The following UBR4 variants were observed in gnomAD, a reference collection of about 807,000 sequenced individuals.
UBR4 encodes E3 ubiquitin-protein ligase UBR4.
Under a neutral mutation model 575.6 loss-of-function variants are expected in UBR4, and 124 were observed. That is an observed-to-expected ratio of 0.22 (90% CI 0.19 to 0.25). The LOEUF is 0.25. Ranked by LOEUF, UBR4 falls within the 10% of genes least tolerant of loss-of-function variation. UBR4 has a pLI of 1.00. For synonymous variants in UBR4, 2,455 were observed against 2,473.7 expected (o/e 0.99, Z 0.22); for missense variants, 4,818 against 6,478.8 (o/e 0.74, Z 8.80).
Position 19,110,396 on chromosome 1 carries a change from C to T in UBR4, c.11961G>A (p.Glu3987=), listed in dbSNP as rs1210635883. 1.2e-5 allele frequency: 19 copies of T among 1,614,092 alleles called. No individual in the cohort carries two copies. Among genetic ancestry groups the T allele is most frequent in the Non-Finnish European group, 1.6e-5 (19 of 1,180,038 alleles). ...DSISKEDSCW[E]LRLRCALSLF... The stretch of plus-strand genomic sequence containing the variant: ...CTAACTCACCACAGCGTAACCGGAG[C>T]TCCCAGCAGCTGTCCTCCTTGGAGA... Residue 3987 remains glutamate, a synonymous_variant, in exon 80 of 106, where the codon GAG becomes GAA. Coordinates refer to ENST00000375254, the MANE Select transcript of UBR4 (RefSeq NM_020765.3). This position sits in a 1 kb window ranked among gnomAD's most constrained non-coding sequence, Gnocchi z 4.5.
In UBR4 at chr1:19,160,936, C is replaced by T. The variant is rs756449276; in HGVS notation, c.5387G>A (p.Arg1796Gln). ...SSLCRTVEGC[R>Q]EELQNQANFS... ...CCCCACCTGGTTCTGTAATTCCTCCCGGCAGCCCTCTACTGTGCGGCAGAG... is the reference window on the plus strand; with the variant it reads ...CCCCACCTGGTTCTGTAATTCCTCCTGGCAGCCCTCTACTGTGCGGCAGAG... The change falls in exon 38 of 106, where the codon CGG (arginine) becomes CAG (glutamine). Residue 1796 changes from arginine (R) to glutamine (Q), a missense_variant. Arg to Gln is a conservative substitution (Grantham distance 43). This residue lies in a region of UBR4 where 159 missense variants were observed against 174.6 expected (regional missense o/e 0.91). Coordinates refer to ENST00000375254, the MANE Select transcript of UBR4 (RefSeq NM_020765.3). 2.6e-5 allele frequency: 42 copies of T among 1,613,992 alleles called. No homozygotes were observed. Among genetic ancestry groups the T allele is most frequent in the South Asian group, 5.5e-5 (5 of 91,072 alleles).
chr1:19,196,469 A>T (rs550288632), intron 8 of UBR4, among the ~76,000 whole-genome samples: 3 of 152,332 alleles, frequency 2.0e-5, no homozygotes, highest in Admixed American at 2.0e-4. Context: ...CATACCAGAG[A>T]TATGATATGT....
intron 23 of UBR4, 21 bp from the exon 24 acceptor site, chr1:19,173,327 A>T (rs924953078): frequency 1.2e-6 from 2 of 1,613,684 alleles, no homozygotes; most frequent in African/African-American, 2.7e-5. Flanking sequence ...AGCAAGAAAA[A>T]GTGTTTAGGA....
intron 53 of UBR4, among the ~76,000 whole-genome samples, chr1:19,145,508 G>C (rs71512946): frequency 1.5e-4 from 22 of 145,110 alleles, no homozygotes; most frequent in East Asian, 6.3e-4. Context: ...AAACCACTGA[G>C]ACACACACAC....
In UBR4 at chr1:19,106,626, C is replaced by T. The variant is rs1446457601; in HGVS notation, c.12336G>A (p.Arg4112=). 1.2e-6 allele frequency: 2 copies of T among 1,605,056 alleles called. No individual in the cohort carries two copies. The highest frequency in any genetic ancestry group is 1.3e-5 in the African/African-American group (1 of 74,468). The change falls in exon 83 of 106, where the codon CGG becomes CGA. Residue 4112 remains arginine (R), a synonymous_variant. Coordinates refer to ENST00000375254, the MANE Select transcript of UBR4 (RefSeq NM_020765.3). ...VWRWKQFLSR[R]GKRTSPLDLK... ...GATCCAAGGGGGAGGTCCTCTTCCC[C>T]CGACGACTCAGGAACTGTTTCCACC...
Position 19,155,611 on chromosome 1 carries a change from A to C in UBR4, c.6130T>G (p.Ser2044Ala), listed in dbSNP as rs776250382. 2 of 1,614,136 alleles carry C rather than the reference A, an allele frequency of 1.2e-6. No individual in the cohort carries two copies. The highest frequency in any genetic ancestry group is 2.2e-5 in the South Asian group (2 of 91,080). Residue 2044 changes from serine to alanine, a missense_variant, in exon 43 of 106, where the codon TCA becomes GCA. Transcript: ENST00000375254. ...SPTFYFLLPS[S>A]KIRDVTFLFN... ...AGGAAGGTAACATCTCTTATCTTTG[A>C]GCTTGGCAGGAGAAAATAGAAGGTT...
In UBR4 at chr1:19,105,137, G is replaced by A. The variant is rs1199740303; in HGVS notation, c.12556C>T (p.Leu4186Phe). 1.2e-6 allele frequency: 2 copies of A among 1,614,094 alleles called. No homozygotes were observed. The highest frequency in any genetic ancestry group is 2.2e-5 in the East Asian group (1 of 44,872). Residue 4186 changes from leucine (L) to phenylalanine (F), a missense_variant, in exon 85 of 106, where the codon CTC becomes TTC. Around this residue, in one of 29 missense-constraint regions of UBR4, gnomAD observed 178 missense variants for 175.5 expected, o/e 1.01. Transcript: ENST00000375254. Reference protein sequence around the residue: ...AGECAAEYLALYQKLITSAHW... With the variant: ...AGECAAEYLAFYQKLITSAHW... ...GCAGAAGTGATGAGCTTCTGGTAGA[G>A]AGCCAGGTACTCAGCTGCACACTCC...
Position 19,081,368 on chromosome 1 carries a change from C to T in UBR4, c.15214G>A (p.Ala5072Thr), listed in dbSNP as rs1345983659. 1.2e-6 allele frequency: 2 copies of T among 1,604,866 alleles called. No individual in the cohort carries two copies. Among genetic ancestry groups the T allele is most frequent in the Non-Finnish European group, 8.5e-7 (1 of 1,175,534 alleles). Residue 5072 changes from alanine (A) to threonine (T), a missense_variant, in exon 103 of 106, where the codon GCT becomes ACT. Around this residue, in one of 29 missense-constraint regions of UBR4, gnomAD observed 212 missense variants for 221.3 expected, o/e 0.96. Transcript: ENST00000375254. ...ACTGACCTGGTGGCTCCACCTGGAG[C>T]CACTGCCCGAGCCTGCGAGGTCACC... ...LLVTSQARAV[A>T]PGGATRLTDK...
chr1:19,158,032 A>T (rs1239151092), intron 39 of UBR4, 35 bp from the exon 40 acceptor site: 1 of 1,590,592 alleles, frequency 6.3e-7, no homozygotes, highest in South Asian at 1.1e-5. Flanking sequence ...GTGGGCAGTA[A>T]TGAGGCAAAT....
chr1:19,113,750 C>G lies in UBR4; in HGVS notation c.11406G>C (p.Glu3802Asp). The G allele has an allele frequency of 6.2e-7, 1 of 1,614,218 alleles. No individual in the cohort carries two copies. Among genetic ancestry groups the G allele is most frequent in the Admixed American group, 1.7e-5 (1 of 60,030 alleles). The change falls in exon 77 of 106, where the codon GAG becomes GAC. Residue 3802 changes from glutamate (E) to aspartate (D), a missense_variant. Physicochemically the swap from Glu to Asp is conservative, Grantham distance 45 (BLOSUM62 2). This residue lies in a region of UBR4 where 333 missense variants were observed against 459.2 expected (regional missense o/e 0.73). Transcript: ENST00000375254. ...VNRYILQLAQ[E>D]YCGDCKNSFD... ...AAGAGTTCTTGCAGTCTCCACAATACTCCTGAGCCAACTGCAGGATGTAAC... is the reference window on the plus strand; with the variant it reads ...AAGAGTTCTTGCAGTCTCCACAATAGTCCTGAGCCAACTGCAGGATGTAAC...
chr1:19,159,681 C>T (rs956396572), intron 39 of UBR4, among the ~76,000 whole-genome samples: 1 of 151,514 alleles, frequency 6.6e-6, no homozygotes, highest in African/African-American at 2.4e-5. Context: ...CAGCTCACTG[C>T]AACCTCCTGG....
chr1:19,088,824 G>A lies in UBR4; in HGVS notation c.14365C>T (p.Arg4789Trp). 3.7e-6 allele frequency: 6 copies of A among 1,614,002 alleles called. No homozygotes were observed. Among genetic ancestry groups the A allele is most frequent in the East Asian group, 2.2e-5 (1 of 44,864 alleles). ...ATGGCCATGCGCTTCTTCTCTGCCC[G>A]GGTCTCCCTGCGGGCTGCGTCAATC... ...KKIDAARRET[R>W]AEKKRMAMAM... Residue 4789 changes from arginine to tryptophan, a missense_variant, in exon 98 of 106, where the codon CGG becomes TGG. Arg to Trp is a moderately radical substitution (Grantham distance 101). Coordinates refer to ENST00000375254, the MANE Select transcript of UBR4 (RefSeq NM_020765.3). This position sits in a 1 kb window ranked among gnomAD's most constrained non-coding sequence, Gnocchi z 4.0.
At chr1:19,122,081 T>A in intron 66 of UBR4, 69 bp from the exon 67 acceptor site, 1 of 1,507,708 alleles carries the variant, frequency 6.6e-7, no homozygotes, top group Non-Finnish European at 9.2e-7. Flanking sequence ...CCACACCTGC[T>A]GCCTGGAGCC....
chr1:19,209,042 C>T (rs1025425421), intron 1 of UBR4, among the ~76,000 whole-genome samples: 2 of 152,208 alleles, frequency 1.3e-5, no homozygotes, highest in African/African-American at 4.8e-5. Flanking sequence ...TTGTTAAAAA[C>T]TCTGCATCCA....
At position 19,157,734 on chromosome 1, in the gene UBR4, C is replaced by T. The variant is rs967337476; in HGVS notation, c.5760+81G>A. ...GACTTTTTCCCACAGAGGGCTAATC[C>T]GAATGTGGTCATCAATTTGTTTTGC... On this transcript the variant is annotated intron_variant, in intron 40 of 105. Transcript: ENST00000375254. The surrounding 1 kb of genome is among the most constrained non-coding windows in gnomAD (Gnocchi z 4.4). 27 of 1,533,662 alleles carry T rather than the reference C, an allele frequency of 1.8e-5. No homozygotes were observed. In the Admixed American group the frequency reaches 2.2e-4, roughly 13 times the overall value.
chr1:19,116,149 A>G (rs2080503145), intron 73 of UBR4, among the ~76,000 whole-genome samples: 1 of 152,218 alleles, frequency 6.6e-6, no homozygotes, highest in Non-Finnish European at 1.5e-5. Context: ...CTGAGTACTT[A>G]CTATGTACTA....
At chr1:19,179,788 C>A (rs1286079458) in intron 17 of UBR4, among the ~76,000 whole-genome samples, 4 of 152,122 alleles carry the variant, frequency 2.6e-5, no homozygotes, top group Admixed American at 2.6e-4. Flanking sequence ...AACTAAGCTG[C>A]AAATTATCTT....
intron 64 of UBR4, 86 bp downstream of exon 64, chr1:19,126,360 G>A: frequency 1.3e-6 from 2 of 1,519,786 alleles, no homozygotes; most frequent in Admixed American, 3.4e-5. Context: ...TTCACCCTCA[G>A]CCCCTTGAGC....
At chr1:19,190,766 G>A (rs1319769005) in intron 11 of UBR4, among the ~76,000 whole-genome samples, 4 of 151,982 alleles carry the variant, frequency 2.6e-5, no homozygotes, top group South Asian at 2.1e-4. Flanking sequence ...AGCCTTTGCC[G>A]CACCACCCTA....
Sources: gnomAD v4.1 joint callset for allele counts (sites outside exome capture counted in the v4.1 genomes callset) on GRCh38, gnomAD v4.1.1 for gene constraint, gnomAD v4.1.1 regional missense constraint, Gnocchi (gnomAD v3.1) non-coding constraint, MANE v1.5 for transcripts, NCBI Gene and HGNC (gene_info 2026-07-23, HGNC 2026-07-21) for gene names.